The following GAS7 variants were observed in gnomAD, a reference collection of about 807,000 sequenced individuals.
GAS7 encodes growth arrest-specific protein 7.
In GAS7, 28 loss-of-function variants were observed where a neutral mutation model predicts 71.1. That is an observed-to-expected ratio of 0.39 (90% CI 0.29 to 0.54). The LOEUF (loss-of-function observed/expected upper bound fraction) is 0.54, where lower values mean the gene tolerates loss of function less well. Ranked by LOEUF, GAS7 falls within the 20% of genes least tolerant of loss-of-function variation. GAS7 has a pLI of 0.62. For synonymous variants in GAS7, 258 were observed against 245.8 expected (o/e 1.05, Z -0.46); for missense variants, 436 against 627.8 (o/e 0.69, Z 3.27).
At chr17:10,180,876 A>C (rs1206012543) in intron 1 of GAS7, among the ~76,000 whole-genome samples, 2 of 151,790 alleles carry the variant, frequency 1.3e-5, no homozygotes, top group Non-Finnish European at 2.9e-5. Flanking sequence ...GGGAACTATA[A>C]CCCTTTGTTT....
chr17:10,104,804 G>A (rs532996716), intron 1 of GAS7, among the ~76,000 whole-genome samples: 21 of 152,188 alleles, frequency 1.4e-4, no homozygotes, highest in African/African-American at 4.6e-4. Flanking sequence ...CTTCTCCACT[G>A]CTGCCATGCT....
At chr17:10,195,732 G>A (rs145085047) in intron 1 of GAS7, among the ~76,000 whole-genome samples, 40 of 152,156 alleles carry the variant, frequency 2.6e-4, no homozygotes, top group African/African-American at 8.9e-4. Context: ...CCACCAGCCT[G>A]GGGACCTCTG....
At chr17:9,970,269 TC>T (rs1298063837) in intron 3 of GAS7, among the ~76,000 whole-genome samples, 2 of 152,188 alleles carry the variant, frequency 1.3e-5, no homozygotes, top group Non-Finnish European at 2.9e-5. Flanking sequence ...GAAATTAGGC[TC>T]TGTCAATTAA....
rs1158379710 is a variant in GAS7, at chr17:10,016,602, CAAAAA to C, written c.304+3170_304+3174del. On this transcript the variant is annotated intron_variant, in intron 2 of 13. Transcript: ENST00000432992. ...CAACATACTGAAACCCTGTCTCTAC[CAAAAA>C]AAAAAAAAAAAAAAAAACAAAACAA... Among the ~76,000 whole-genome samples, 569 of 84,688 alleles carry C rather than the reference CAAAAA, an allele frequency of 6.7e-3. 4 individuals are homozygous for C. Among genetic ancestry groups the C allele is most frequent in the African/African-American group, 0.019 (519 of 27,122 alleles). The allele number at this position is 84,688 out of a possible 152,430, so 55.6% of individuals were successfully genotyped here.
chr17:9,949,643 A>C (rs116171177), intron 5 of GAS7, among the ~76,000 whole-genome samples: 161 of 152,248 alleles, frequency 1.1e-3, no homozygotes, highest in African/African-American at 3.7e-3. Context: ...GGTCCCCACC[A>C]CCCTAGAGGG....
At chr17:10,121,864 G>A (rs761784706) in intron 1 of GAS7, among the ~76,000 whole-genome samples, 1 of 152,120 alleles carries the variant, frequency 6.6e-6, no homozygotes, top group Non-Finnish European at 1.5e-5. Flanking sequence ...GGTGCCACCA[G>A]TACCCCAGCA....
At chr17:10,054,838 A>T (rs919320305) in intron 1 of GAS7, among the ~76,000 whole-genome samples, 1 of 152,170 alleles carries the variant, frequency 6.6e-6, no homozygotes, top group Admixed American at 6.5e-5. Context: ...CCCACCCGAG[A>T]ACTGGGCTCC....
intron 2 of GAS7, among the ~76,000 whole-genome samples, chr17:10,005,755 T>G (rs1385078688): frequency 4.6e-5 from 7 of 152,210 alleles, no homozygotes; most frequent in Admixed American, 2.6e-4. Flanking sequence ...ACCCTCCCTG[T>G]GTCTTTGCAA....
At chr17:10,065,427 C>T (rs368187959) in intron 1 of GAS7, among the ~76,000 whole-genome samples, 1 of 152,180 alleles carries the variant, frequency 6.6e-6, no homozygotes, top group East Asian at 1.9e-4. Context: ...TAGGGCCATA[C>T]TCCTCCCAGA....
At chr17:10,037,082 G>A (rs530237967) in intron 1 of GAS7, among the ~76,000 whole-genome samples, 1 of 152,372 alleles carries the variant, frequency 6.6e-6, no homozygotes, top group Admixed American at 6.5e-5. Context: ...AAGAACCACT[G>A]TGTGGAAAGC....
intron 2 of GAS7, among the ~76,000 whole-genome samples, chr17:9,983,592 C>T (rs1009604257): frequency 2.6e-5 from 4 of 151,682 alleles, no homozygotes; most frequent in Non-Finnish European, 4.4e-5. Context: ...TTCGAGACCA[C>T]CCTGACCAAC....
chr17:9,999,366 A>G (rs925747436), intron 2 of GAS7, among the ~76,000 whole-genome samples: 2 of 152,016 alleles, frequency 1.3e-5, no homozygotes, highest in East Asian at 1.9e-4. Flanking sequence ...AAAAATACAA[A>G]AATTAGCTGG....
At chr17:10,063,989 C>T (rs1385764429) in intron 1 of GAS7, among the ~76,000 whole-genome samples, 1 of 152,218 alleles carries the variant, frequency 6.6e-6, no homozygotes, top group African/African-American at 2.4e-5. Flanking sequence ...CACGAGCGCT[C>T]GTCCCCACTT....
At chr17:10,153,858 G>A (rs1174799023) in intron 1 of GAS7, among the ~76,000 whole-genome samples, 1 of 152,128 alleles carries the variant, frequency 6.6e-6, no homozygotes, top group Non-Finnish European at 1.5e-5. Flanking sequence ...CTTGAGGCCT[G>A]GAGTTCAAGA....
chr17:10,116,440 C>T lies in GAS7; in HGVS notation c.183+81768G>A, dbSNP rs191956094. ...AGTACCTGGCTGCTGCAGGGCTTACCCCGGGGAATGCAAGCTGAAGAAGAG... is the reference window on the plus strand; with the variant it reads ...AGTACCTGGCTGCTGCAGGGCTTACTCCGGGGAATGCAAGCTGAAGAAGAG... On this transcript the variant is annotated intron_variant, in intron 1 of 13. Coordinates refer to ENST00000432992, the MANE Select transcript of GAS7 (RefSeq NM_201433.2). 1.4e-3 allele frequency among the ~76,000 whole-genome samples: 220 copies of T among 152,156 alleles called. 3 individuals are homozygous for T. The highest frequency in any genetic ancestry group is 6.8e-3 in the Middle Eastern group (2 of 294).
At chr17:10,008,791 ACACACG>A (rs1478740513) in intron 2 of GAS7, among the ~76,000 whole-genome samples, 2 of 152,088 alleles carry the variant, frequency 1.3e-5, no homozygotes, top group Non-Finnish European at 1.5e-5. Context: ...TCTCTCACAC[ACACACG>A]CACACACGCA....
At chr17:10,132,555 C>T (rs2074005267) in intron 1 of GAS7, among the ~76,000 whole-genome samples, 1 of 152,142 alleles carries the variant, frequency 6.6e-6, no homozygotes, top group Non-Finnish European at 1.5e-5. Flanking sequence ...CACTTGAGGC[C>T]AGGAGTTTGA....
In GAS7 at chr17:10,103,681, C is replaced by T. The variant is rs1184905951; in HGVS notation, c.184-83784G>A. Among the ~76,000 whole-genome samples the T allele has an allele frequency of 2.0e-5, 3 of 152,002 alleles. No individual in the cohort carries two copies. Among genetic ancestry groups the T allele is most frequent in the South Asian group, 2.1e-4 (1 of 4,822 alleles). Reference sequence around the variant, plus strand: ...TCTCTACCAAAAATACAAAAATTAGCTGGGTGTGGTGGCACATGCCTGTAA... The same window carrying T: ...TCTCTACCAAAAATACAAAAATTAGTTGGGTGTGGTGGCACATGCCTGTAA... On this transcript the variant is annotated intron_variant, in intron 1 of 13. Coordinates refer to ENST00000432992, the MANE Select transcript of GAS7 (RefSeq NM_201433.2). The surrounding 1 kb of genome is among the most constrained non-coding windows in gnomAD (Gnocchi z 5.5).
intron 1 of GAS7, among the ~76,000 whole-genome samples, chr17:10,076,495 A>G (rs1448438917): frequency 6.6e-6 from 1 of 152,004 alleles, no homozygotes. Context: ...GAAAAGAAAA[A>G]AAAAGAAAAG....
Sources: gnomAD v4.1 joint callset for allele counts (sites outside exome capture counted in the v4.1 genomes callset) on GRCh38, gnomAD v4.1.1 for gene constraint, Gnocchi (gnomAD v3.1) non-coding constraint, MANE v1.5 for transcripts, NCBI Gene and HGNC (gene_info 2026-07-23, HGNC 2026-07-21) for gene names.